Variants in DHX9 observed in about 807,000 individuals in gnomAD.
DHX9 encodes the protein DExH-box helicase 9, also known as ATP-dependent RNA helicase A.
Under a neutral mutation model 148.7 loss-of-function variants are expected in DHX9, and 27 were observed. The ratio of observed to expected loss-of-function variants is 0.18; its 90% confidence interval spans 0.13 to 0.25. DHX9 has a LOEUF of 0.25. DHX9 is among the 10% of genes least tolerant of loss of function. The pLI is 1.00. For synonymous variants in DHX9, 529 were observed against 516.6 expected, an observed-to-expected ratio of 1.02 and a Z score of -0.33; for missense variants, 796 against 1,559.6, an observed-to-expected ratio of 0.51 and a Z score of 8.25.
intron 1 of DHX9, among the ~76,000 whole-genome samples, chr1:182,840,299 CTTTTTTTTTTT>C (rs572795237): frequency 1.9e-5 from 2 of 105,524 alleles, no homozygotes; most frequent in African/African-American, 4.4e-5. Flanking sequence ...ATTCTTGCGC[CTTTTTTTTTTT>C]TTTTTTTTTT....
chr1:182,877,471 A>G (rs2102616732), intron 19 of DHX9: 1 of 153,994 alleles, frequency 6.5e-6, no homozygotes, highest in Non-Finnish European at 1.4e-5. Context: ...CTGTCCTGAC[A>G]ATGAAAACAA....
intron 18 of DHX9, 25 bp from the exon 19 acceptor site, chr1:182,876,805 G>A: frequency 6.5e-7 from 1 of 1,545,106 alleles, no homozygotes; most frequent in South Asian, 1.1e-5. Flanking sequence ...ATATTTTCTG[G>A]AGTGTAATTT....
rs150366536 is a variant in DHX9 at position 182,862,777 on chromosome 1, A to T, written c.1332+2593A>T. On this transcript the variant is annotated intron_variant, in intron 12 of 27. Coordinates refer to ENST00000367549, the MANE Select transcript of DHX9 (RefSeq NM_001357.5). ...GTTCTGAGTAAATGGCAAGAGGTGT[A>T]CATTAAAGGTATGGATTCTAGAATA... Among the ~76,000 whole-genome samples the T allele has an allele frequency of 1.7e-3, 259 of 152,362 alleles. 1 individual carries two copies. Among genetic ancestry groups the T allele is most frequent in the African/African-American group, 5.7e-3 (236 of 41,586 alleles).
chr1:182,847,577 A>G (rs1444983085), intron 3 of DHX9, among the ~76,000 whole-genome samples: 3 of 152,158 alleles, frequency 2.0e-5, no homozygotes, highest in Admixed American at 6.5e-5. Flanking sequence ...AGAGATTTCA[A>G]TATACAGAAT....
intron 24 of DHX9, among the ~76,000 whole-genome samples, chr1:182,882,361 G>A (rs953600505): frequency 2.0e-5 from 3 of 152,192 alleles, no homozygotes; most frequent in Admixed American, 6.5e-5. Flanking sequence ...TGTGCTTTCA[G>A]CGGTTGACTG....
In DHX9 at chr1:182,872,513, A is replaced by G. The variant is rs1648590608; in HGVS notation, c.1714+20A>G. The G allele has an allele frequency of 6.2e-7, 1 of 1,606,050 alleles. No homozygotes were observed. Among genetic ancestry groups the G allele is most frequent in the Non-Finnish European group, 8.5e-7 (1 of 1,176,642 alleles). ...TTCAAGGTAATATTGTGGGGGTGGT[A>G]TAGGAACATCTTTTGTGCAATAGGG... On this transcript the variant is annotated intron_variant, in intron 15 of 27. Transcript: ENST00000367549.
chr1:182,886,780 C>T (rs1649350591), intron 27 of DHX9, among the ~76,000 whole-genome samples: 1 of 152,208 alleles, frequency 6.6e-6, no homozygotes, highest in Non-Finnish European at 1.5e-5. Flanking sequence ...GAACCCTCTC[C>T]TAATGCTTGC....
intron 27 of DHX9, among the ~76,000 whole-genome samples, chr1:182,885,489 T>A (rs964671411): frequency 6.6e-6 from 1 of 152,254 alleles, no homozygotes; most frequent in African/African-American, 2.4e-5. Context: ...ACTTCATGTC[T>A]TTTAAGAACA....
intron 12 of DHX9, among the ~76,000 whole-genome samples, chr1:182,862,329 C>T (rs966568603): frequency 5.3e-5 from 8 of 152,170 alleles, no homozygotes; most frequent in African/African-American, 1.7e-4. Context: ...TGTAAATTCT[C>T]AACCAAACTC....
At chr1:182,856,176 A>G (rs1277331560) in intron 6 of DHX9, among the ~76,000 whole-genome samples, 4 of 152,226 alleles carry the variant, frequency 2.6e-5, no homozygotes, top group Admixed American at 6.5e-5. Flanking sequence ...TTTGGGGCCT[A>G]CTTTATTTCT....
chr1:182,851,186 AG>A (rs1276449909), intron 3 of DHX9, among the ~76,000 whole-genome samples: 1 of 152,244 alleles, frequency 6.6e-6, no homozygotes, highest in African/African-American at 2.4e-5. Context: ...AGAAGAAAGC[AG>A]AAAAGAAAAA....
chr1:182,870,763 T>C (rs558584409), intron 14 of DHX9, among the ~76,000 whole-genome samples: 25 of 152,294 alleles, frequency 1.6e-4, no homozygotes, highest in African/African-American at 6.0e-4. Context: ...AAAAGAAATA[T>C]GTAAGCCACA....
chr1:182,846,384 G>A (rs1668030236), intron 3 of DHX9, among the ~76,000 whole-genome samples: 1 of 152,090 alleles, frequency 6.6e-6, no homozygotes, highest in Admixed American at 6.5e-5. Flanking sequence ...ACTGGCATGT[G>A]CCGCCATGCC....
At chr1:182,858,458 A>C in intron 8 of DHX9, 93 bp from the exon 9 acceptor site, 1 of 1,198,922 alleles carries the variant, frequency 8.3e-7, no homozygotes, top group Non-Finnish European at 1.2e-6. Flanking sequence ...CTATTGGTTT[A>C]GGAATATTGT....
chr1:182,868,743 C>T (rs1353604007), intron 14 of DHX9, among the ~76,000 whole-genome samples: 1 of 152,050 alleles, frequency 6.6e-6, no homozygotes. Flanking sequence ...TCTCAAACTC[C>T]TAACTTCAGG....
chr1:182,862,276 C>T (rs539634928), intron 12 of DHX9, among the ~76,000 whole-genome samples: 30 of 152,080 alleles, frequency 2.0e-4, no homozygotes, highest in Non-Finnish European at 3.8e-4. Flanking sequence ...TATGGACTGG[C>T]GTATAACAGA....
chr1:182,854,235 A>G, intron 6 of DHX9, 57 bp downstream of exon 6: 1 of 1,469,502 alleles, frequency 6.8e-7, no homozygotes, highest in Non-Finnish European at 9.2e-7. Context: ...TTGGATATTC[A>G]CTGTTGAATA....
intron 1 of DHX9, among the ~76,000 whole-genome samples, chr1:182,840,993 A>T (rs1326869939): frequency 1.3e-5 from 2 of 152,130 alleles, no homozygotes; most frequent in African/African-American, 2.4e-5. Flanking sequence ...TTAATTTTGG[A>T]CTTTAAAGAG....
At chr1:182,850,594 CA>C (rs369880071) in intron 3 of DHX9, among the ~76,000 whole-genome samples, 4,124 of 72,082 alleles carry the variant, frequency 0.057, 112 homozygotes, top group African/African-American at 0.14. Flanking sequence ...GACCCTGTCT[CA>C]AAAAAAAAAA....
Sources: gnomAD v4.1 joint callset for allele counts (sites outside exome capture counted in the v4.1 genomes callset) on GRCh38, gnomAD v4.1.1 for gene constraint, MANE v1.5 for transcripts, NCBI Gene and HGNC (gene_info 2026-07-23, HGNC 2026-07-21) for gene names.